ABI3: variants seen among roughly 807,000 people sequenced by gnomAD.
The protein encoded by ABI3 is ABI gene family member 3.
In ABI3, 24 loss-of-function variants were observed where a neutral mutation model predicts 37.0. The observed-to-expected ratio is 0.65, with a 90% CI of 0.47 to 0.91. The LOEUF (loss-of-function observed/expected upper bound fraction) is 0.91. Among genes scored for constraint, ABI3 ranks in the 40% least tolerant of loss-of-function variants. The pLI is 0.00. For synonymous variants in ABI3, 220 were observed against 211.8 expected (o/e 1.04, Z -0.34); for missense variants, 481 against 485.1 (o/e 0.99, Z 0.08).
intron 1 of ABI3, among the ~76,000 whole-genome samples, chr17:49,213,376 C>A (rs974006694): frequency 3.9e-5 from 6 of 152,192 alleles, no homozygotes; most frequent in Non-Finnish European, 7.3e-5. Context: ...CCTTTCCTGG[C>A]CTTTCTGAGG....
Position 49,219,759 on chromosome 17 carries a change from C to A in ABI3, c.549-99C>A. On this transcript the variant is annotated intron_variant, in intron 4 of 7. Coordinates refer to ENST00000225941, the MANE Select transcript of ABI3 (RefSeq NM_016428.3). This position sits in a 1 kb window ranked among gnomAD's most constrained non-coding sequence, Gnocchi z 4.3. ...GTCATGCTGGATGCCTGGCGCCAAA[C>A]CTCCCCCTCGGCCACCTGCCCTTCC... 7.0e-7 allele frequency: 1 copy of A among 1,431,210 alleles called. No individual in the cohort carries two copies. Among genetic ancestry groups the A allele is most frequent in the Non-Finnish European group, 9.5e-7 (1 of 1,049,912 alleles). 88.7% of individuals were successfully genotyped at this position (1,431,210 alleles called of 1,614,324 possible).
Position 49,222,739 on chromosome 17 carries a change from T to A in ABI3, c.*24T>A. ...GACAGCCCAGGGCTCTCTGGGCAGC[T>A]GATGTCTGCACTGAGTGGGTTTCAT... is the stretch of plus-strand genomic sequence containing the variant. On this transcript the variant is annotated 3_prime_UTR_variant, in exon 8 of 8. Coordinates refer to ENST00000225941, the MANE Select transcript of ABI3 (RefSeq NM_016428.3). The A allele has an allele frequency of 6.5e-7, 1 of 1,545,672 alleles. No individual in the cohort carries two copies. Among genetic ancestry groups the A allele is most frequent in the Non-Finnish European group, 8.7e-7 (1 of 1,146,812 alleles).
intron 3 of ABI3, among the ~76,000 whole-genome samples, chr17:49,218,608 A>ATTTTTTTTTTTTTT (rs566080612): frequency 6.8e-6 from 1 of 146,148 alleles, no homozygotes; most frequent in African/African-American, 2.5e-5. Context: ...TCCAACTTAT[A>ATTTTTTTTTTTTTT]TTTTTTTTTT....
chr17:49,217,803 G>T lies in ABI3; in HGVS notation c.350G>T (p.Arg117Leu), dbSNP rs137924898. 4.3e-6 allele frequency: 7 copies of T among 1,611,308 alleles called. No individual in the cohort carries two copies. Among genetic ancestry groups the T allele is most frequent in the East Asian group, 2.2e-5 (1 of 44,568 alleles). Residue 117 changes from arginine to leucine, a missense_variant, in exon 3 of 8, where the codon CGG (arginine) becomes CTG (leucine). Physicochemically the swap from Arg to Leu is moderately radical, Grantham distance 102. Coordinates refer to ENST00000225941, the MANE Select transcript of ABI3 (RefSeq NM_016428.3). ...REIGTLATVQ[R>L]LPPGQKVIAP... ...ATCGGCACCTTAGCCACTGTCCAGC[G>T]GCTGCCCCCCGGCCAGAAGGTCATC...
chr17:49,223,028 C>G lies in ABI3; in HGVS notation c.*313C>G, dbSNP rs1470658777. On this transcript the variant is annotated 3_prime_UTR_variant, in exon 8 of 8. Transcript: ENST00000225941. Reference sequence around the variant, plus strand: ...CAGATGATGTCCTGTGACTGCCCCACAGAGATAAGGGGCCAGGAGGGATTG... The same window carrying G: ...CAGATGATGTCCTGTGACTGCCCCAGAGAGATAAGGGGCCAGGAGGGATTG... 4.1e-6 allele frequency: 2 copies of G among 488,556 alleles called. No individual in the cohort carries two copies. The highest frequency in any genetic ancestry group is 3.8e-5 in the African/African-American group (2 of 52,096). The allele number at this position is 488,556 out of a possible 1,614,324, so 30.3% of individuals were successfully genotyped here. A position where few individuals can be genotyped will look rare whatever the true frequency, so the allele number is the denominator to read the frequency against.
At chr17:49,222,340 T>C (rs1435856878) in intron 7 of ABI3, 115 bp downstream of exon 7, 5 of 1,444,216 alleles carry the variant, frequency 3.5e-6, no homozygotes, top group Non-Finnish European at 3.7e-6. Context: ...CCACACAATT[T>C]TTCTGACGAA....
At chr17:49,218,832 G>A (rs2043249148) in intron 3 of ABI3, among the ~76,000 whole-genome samples, 1 of 150,586 alleles carries the variant, frequency 6.6e-6, no homozygotes, top group South Asian at 2.1e-4. Context: ...GGCCAGGCTG[G>A]TCTTGAACTC....
In ABI3 at chr17:49,210,867, C is replaced by T; in HGVS notation, c.117+26C>T. Reference sequence around the variant, plus strand: ...GTAGGTAGAGCGGGCGGAAGCCTGACACCCCAGCCCCCGGAGGGGGGACCC... The same window carrying T: ...GTAGGTAGAGCGGGCGGAAGCCTGATACCCCAGCCCCCGGAGGGGGGACCC... On this transcript the variant is annotated intron_variant, in intron 1 of 7. Coordinates refer to ENST00000225941, the MANE Select transcript of ABI3 (RefSeq NM_016428.3). The surrounding 1 kb of genome is among the most constrained non-coding windows in gnomAD (Gnocchi z 4.2). 9 of 1,528,790 alleles carry T rather than the reference C, an allele frequency of 5.9e-6. No homozygotes were observed. Among genetic ancestry groups the T allele is most frequent in the Non-Finnish European group, 8.0e-6 (9 of 1,128,038 alleles). 94.7% of individuals were successfully genotyped at this position (1,528,790 alleles called of 1,614,324 possible). A position where few individuals can be genotyped will look rare whatever the true frequency, so the allele number is the denominator to read the frequency against.
Position 49,219,857 on chromosome 17 carries a change from GGAGACCACC to G in ABI3, c.549_557del (p.Pro185_Arg187del). The G allele has an allele frequency of 6.5e-7, 1 of 1,542,978 alleles. No individual in the cohort carries two copies. The highest frequency in any genetic ancestry group is 8.7e-7 in the Non-Finnish European group (1 of 1,149,166). On this transcript the variant is annotated inframe_deletion and splice_region_variant, in exon 5 of 8. Transcript: ENST00000225941. The surrounding 1 kb of genome is among the most constrained non-coding windows in gnomAD (Gnocchi z 4.3). ...AATACCCACTCCCTGCCCCCCGCCA[GGAGACCACC>G]CCGGATTCCCGAGCCAGTGCACCTG...
chr17:49,211,892 C>T (rs1451591816), intron 1 of ABI3, among the ~76,000 whole-genome samples: 1 of 151,748 alleles, frequency 6.6e-6, no homozygotes, highest in African/African-American at 2.4e-5. Context: ...GTGATCCACC[C>T]GCCTTGGCCT....
chr17:49,217,865 A>C lies in ABI3; in HGVS notation c.412A>C (p.Arg138=), dbSNP rs1311407630. ...ENLPPLTPYC[R]RPLNFGCLDD... is the part of the protein sequence containing the mutation. ...CCTACCCCCTCTCACGCCCTACTGC[A>C]GGAGACCCCTCAACTTTGGCTGCCT... is the stretch of plus-strand genomic sequence containing the variant. Residue 138 remains arginine (R), a synonymous_variant, in exon 3 of 8, where the codon AGG becomes CGG. Transcript: ENST00000225941. The C allele has an allele frequency of 1.3e-6, 2 of 1,593,184 alleles. No homozygotes were observed. Among genetic ancestry groups the C allele is most frequent in the Non-Finnish European group, 1.7e-6 (2 of 1,171,518 alleles).
chr17:49,220,798 C>T (rs1477010699), intron 6 of ABI3, among the ~76,000 whole-genome samples: 1 of 150,190 alleles, frequency 6.7e-6, no homozygotes, highest in Non-Finnish European at 1.5e-5. Context: ...GAGCCGAGAT[C>T]GCGCCATTGC....
rs368570841 is a variant in ABI3, at chr17:49,217,948, C to T, written c.462+33C>T. The T allele has an allele frequency of 5.4e-6, 8 of 1,479,474 alleles. No homozygotes were observed. The African/African-American group carries it at 1.0e-4, about 19-fold the overall frequency. 91.6% of individuals were successfully genotyped at this position (1,479,474 alleles called of 1,614,324 possible). ...GAGGGGCCCTCCTCTTTCCCTCCAA[C>T]CCACCCTCTCGTGCCTTGTGGCCCC... is the stretch of plus-strand genomic sequence containing the variant. On this transcript the variant is annotated intron_variant, in intron 3 of 7. Coordinates refer to ENST00000225941, the MANE Select transcript of ABI3 (RefSeq NM_016428.3).
intron 1 of ABI3, among the ~76,000 whole-genome samples, chr17:49,214,034 C>T (rs1197337709): frequency 6.6e-6 from 1 of 152,234 alleles, no homozygotes; most frequent in African/African-American, 2.4e-5. Flanking sequence ...AAATGAGCAT[C>T]TCTTTCCTGC....
At position 49,220,154 on chromosome 17, in the gene ABI3, C is replaced by T; in HGVS notation, c.645-15C>T. The T allele has an allele frequency of 1.2e-6, 2 of 1,611,630 alleles. No homozygotes were observed. Among genetic ancestry groups the T allele is most frequent in the South Asian group, 2.2e-5 (2 of 90,988 alleles). The stretch of plus-strand genomic sequence containing the variant: ...AGGGAAGGCGTGTCCGCCAACCGGG[C>T]TCTCTGGTGTTCAGCAGCGCCGAAG... On this transcript the variant is annotated splice_polypyrimidine_tract_variant and intron_variant, in intron 5 of 7. Coordinates refer to ENST00000225941, the MANE Select transcript of ABI3 (RefSeq NM_016428.3).
At position 49,220,431 on chromosome 17, in the gene ABI3, T is replaced by C. The variant is rs761454081; in HGVS notation, c.802+105T>C. On this transcript the variant is annotated intron_variant, in intron 6 of 7. Transcript: ENST00000225941. ...ATCTGCCCCGGCCAGCCTCAGTGAA[T>C]GCCTCCTCCAAGGAGCGCAGCACAG... 189 of 1,414,704 alleles carry C rather than the reference T, an allele frequency of 1.3e-4. 1 individual carries two copies. The South Asian group carries it at 2.3e-3, about 17-fold the overall frequency. 87.6% of individuals were successfully genotyped at this position (1,414,704 alleles called of 1,614,324 possible).
At chr17:49,220,706 T>C (rs2043275420) in intron 6 of ABI3, among the ~76,000 whole-genome samples, 1 of 151,488 alleles carries the variant, frequency 6.6e-6, no homozygotes, top group African/African-American at 2.4e-5. Context: ...TGACCGGGCG[T>C]GGTGGCGCAA....
At chr17:49,222,454 G>T in intron 7 of ABI3, 98 bp from the exon 8 acceptor site, 1 of 1,493,522 alleles carries the variant, frequency 6.7e-7, no homozygotes, top group South Asian at 1.2e-5. Flanking sequence ...GGCCCCTAGA[G>T]TCTAGTACTT....
Position 49,219,191 on chromosome 17 carries a change from C to T in ABI3, c.463-349C>T, listed in dbSNP as rs1449238761. 3.9e-5 allele frequency among the ~76,000 whole-genome samples: 6 copies of T among 152,180 alleles called. No individual in the cohort carries two copies. The highest frequency in any genetic ancestry group is 8.8e-5 in the Non-Finnish European group (6 of 68,034). The stretch of plus-strand genomic sequence containing the variant: ...GATGTGTCCTCTCCTTTCTCCGCCC[C>T]CTCCTCAGCCCGATCAAAGTTAGGG... On this transcript the variant is annotated intron_variant, in intron 3 of 7. Transcript: ENST00000225941. This position sits in a 1 kb window ranked among gnomAD's most constrained non-coding sequence, Gnocchi z 4.3.
Sources: allele counts gnomAD v4.1 joint callset (sites outside exome capture counted in the v4.1 genomes callset), GRCh38; gene constraint gnomAD v4.1.1; non-coding constraint Gnocchi (gnomAD v3.1); transcripts MANE v1.5; gene names NCBI Gene and HGNC (gene_info 2026-07-23, HGNC 2026-07-21).